Variants in LRMDA observed in about 807,000 individuals in gnomAD.
LRMDA encodes leucine rich melanocyte differentiation associated, also known as leucine-rich melanocyte differentiation-associated protein.
In LRMDA, 18 loss-of-function variants were observed where a neutral mutation model predicts 29.8. The ratio of observed to expected loss-of-function variants is 0.60; its 90% confidence interval spans 0.42 to 0.90. The LOEUF is 0.90. LRMDA is among the 40% of genes least tolerant of loss of function. The pLI, the probability that LRMDA is intolerant of heterozygous loss-of-function variation, is 0.00. For synonymous variants in LRMDA, 125 were observed against 109.4 expected, an observed-to-expected ratio of 1.14 and a Z score of -0.89; for missense variants, 273 against 273.9, an observed-to-expected ratio of 1.00 and a Z score of 0.02.
chr10:76,208,264 A>G (rs1223638554), intron 5 of LRMDA, among the ~76,000 whole-genome samples: 5 of 152,232 alleles, frequency 3.3e-5, no homozygotes, highest in Admixed American at 1.3e-4. Flanking sequence ...AACAAATTAT[A>G]TGAGAGCAGG....
intron 2 of LRMDA, among the ~76,000 whole-genome samples, chr10:75,855,601 T>G (rs895301952): frequency 3.9e-5 from 6 of 152,168 alleles, no homozygotes; most frequent in Non-Finnish European, 8.8e-5. Context: ...GGCTTTTGTT[T>G]CCATTGCTTT....
At chr10:75,967,142 C>A (rs963444615) in intron 2 of LRMDA, among the ~76,000 whole-genome samples, 7 of 152,192 alleles carry the variant, frequency 4.6e-5, no homozygotes, top group African/African-American at 1.4e-4. Context: ...TGCGGTAGAG[C>A]TGAGCTCTCC....
At chr10:76,476,793 C>T (rs1486441792) in intron 6 of LRMDA, among the ~76,000 whole-genome samples, 2 of 152,120 alleles carry the variant, frequency 1.3e-5, no homozygotes, top group East Asian at 3.9e-4. Context: ...GAACCAAAGA[C>T]AAACACCACA....
At chr10:76,015,547 A>G (rs1205197004) in intron 2 of LRMDA, among the ~76,000 whole-genome samples, 1 of 152,206 alleles carries the variant, frequency 6.6e-6, no homozygotes, top group East Asian at 1.9e-4. Flanking sequence ...GTGTTTTTGT[A>G]ATCTTATCTT....
chr10:76,355,027 TTCAAC>T (rs1448747060), intron 6 of LRMDA, among the ~76,000 whole-genome samples: 1 of 152,084 alleles, frequency 6.6e-6, no homozygotes, highest in African/African-American at 2.4e-5. Flanking sequence ...GTCCTTCAAA[TTCAAC>T]TCAACTCAAC....
intron 6 of LRMDA, among the ~76,000 whole-genome samples, chr10:76,556,779 G>T (rs536490379): frequency 9.2e-5 from 14 of 152,274 alleles, no homozygotes; most frequent in African/African-American, 3.4e-4. Flanking sequence ...ATGATAAAGG[G>T]TATCAAAATA....
intron 2 of LRMDA, among the ~76,000 whole-genome samples, chr10:75,598,831 A>G (rs1006059746): frequency 6.6e-6 from 1 of 152,230 alleles, no homozygotes; most frequent in African/African-American, 2.4e-5. Flanking sequence ...TCAAATAGAC[A>G]TGAAGGGCCT....
At chr10:75,852,437 G>A (rs561668336) in intron 2 of LRMDA, among the ~76,000 whole-genome samples, 1 of 151,984 alleles carries the variant, frequency 6.6e-6, no homozygotes, top group Non-Finnish European at 1.5e-5. Flanking sequence ...TAATTGGATG[G>A]TAGGAAATGT....
chr10:75,820,736 C>A, intron 2 of LRMDA, among the ~76,000 whole-genome samples: 1 of 152,178 alleles, frequency 6.6e-6, no homozygotes, highest in Middle Eastern at 3.4e-3. Flanking sequence ...AAAGTTGGTT[C>A]TTTGAAAACA....
intron 5 of LRMDA, among the ~76,000 whole-genome samples, chr10:76,141,345 T>G (rs1429850718): frequency 1.3e-5 from 2 of 152,108 alleles, no homozygotes; most frequent in African/African-American, 4.8e-5. Flanking sequence ...TAAAAGATTA[T>G]TTTCAAAGCA....
At chr10:76,361,069 T>G (rs1841305173) in intron 6 of LRMDA, among the ~76,000 whole-genome samples, 1 of 152,080 alleles carries the variant, frequency 6.6e-6, no homozygotes, top group Non-Finnish European at 1.5e-5. Context: ...AAGACCAGCC[T>G]GGGCAACAAG....
At chr10:76,185,742 A>G (rs1851136747) in intron 5 of LRMDA, among the ~76,000 whole-genome samples, 2 of 152,190 alleles carry the variant, frequency 1.3e-5, no homozygotes, top group South Asian at 2.1e-4. Flanking sequence ...GTCTGGTAAG[A>G]ACCAAAGCTA....
intron 2 of LRMDA, among the ~76,000 whole-genome samples, chr10:75,581,050 A>G (rs1168949012): frequency 6.6e-6 from 1 of 152,228 alleles, no homozygotes; most frequent in Non-Finnish European, 1.5e-5. Flanking sequence ...TTTGGCAACA[A>G]AAGCCAAAAT....
chr10:76,103,702 T>C (rs1223439579), intron 5 of LRMDA, among the ~76,000 whole-genome samples: 1 of 152,322 alleles, frequency 6.6e-6, no homozygotes, highest in African/African-American at 2.4e-5. Flanking sequence ...GACTGTGTGT[T>C]TTCTATCAGA....
intron 2 of LRMDA, among the ~76,000 whole-genome samples, chr10:75,834,833 C>T (rs1416469802): frequency 6.6e-6 from 1 of 152,142 alleles, no homozygotes; most frequent in Non-Finnish European, 1.5e-5. Flanking sequence ...TTCTCTAAGA[C>T]AGTGTTGGTT....
chr10:75,776,668 A>T (rs1339842701), intron 2 of LRMDA, among the ~76,000 whole-genome samples: 2 of 152,212 alleles, frequency 1.3e-5, no homozygotes, highest in Non-Finnish European at 2.9e-5. Flanking sequence ...TGTACATTTT[A>T]CCCTGTCTTA....
At chr10:76,283,219 C>G (rs1840228417) in intron 5 of LRMDA, among the ~76,000 whole-genome samples, 1 of 152,174 alleles carries the variant, frequency 6.6e-6, no homozygotes, top group Admixed American at 6.5e-5. Flanking sequence ...TCTACTGTGG[C>G]CACATGTCTT....
intron 5 of LRMDA, among the ~76,000 whole-genome samples, chr10:76,194,636 G>A (rs1488899225): frequency 6.6e-6 from 1 of 152,138 alleles, no homozygotes; most frequent in Non-Finnish European, 1.5e-5. Flanking sequence ...GTTGGAAAAC[G>A]TTAGGCTTTG....
intron 2 of LRMDA, among the ~76,000 whole-genome samples, chr10:75,905,181 T>C (rs975124142): frequency 2.0e-5 from 3 of 151,936 alleles, no homozygotes; most frequent in Admixed American, 1.3e-4. Flanking sequence ...TTCACAGGCA[T>C]GGGCAAGCAC....
Sources: gnomAD v4.1 joint callset for allele counts (sites outside exome capture counted in the v4.1 genomes callset) on GRCh38, gnomAD v4.1.1 for gene constraint, MANE v1.5 for transcripts, NCBI Gene and HGNC (gene_info 2026-07-23, HGNC 2026-07-21) for gene names.